Variants in PPIF observed in about 807,000 individuals in gnomAD.
PPIF encodes peptidyl-prolyl cis-trans isomerase F, mitochondrial.
Under a neutral mutation model 20.2 loss-of-function variants are expected in PPIF, and 23 were observed. The observed-to-expected ratio is 1.14, with a 90% CI of 0.82 to 1.61. The LOEUF (loss-of-function observed/expected upper bound fraction) is 1.61, where lower values mean the gene tolerates loss of function less well. PPIF is among the 40% of genes most tolerant of loss of function. PPIF has a pLI of 0.00. For missense variants in PPIF, 287 were observed against 291.6 expected (o/e 0.98, Z 0.11); for synonymous variants, 113 against 123.1 (o/e 0.92, Z 0.54).
At position 79,347,473 on chromosome 10, in the gene PPIF, G is replaced by C. The variant is rs1855911273; in HGVS notation, c.-76G>C. The C allele has an allele frequency of 8.0e-7, 1 of 1,249,174 alleles. No individual in the cohort carries two copies. 77.4% of individuals were successfully genotyped at this position (1,249,174 alleles called of 1,614,324 possible). On this transcript the variant is annotated 5_prime_UTR_variant, in exon 1 of 6. Transcript: ENST00000225174. Reference sequence around the variant, plus strand: ...TGCGGCGCGCGGCTGCGCGGGACTCGGCCTTCTGGGCGCGCGCGACGTCAG... The same window carrying C: ...TGCGGCGCGCGGCTGCGCGGGACTCCGCCTTCTGGGCGCGCGCGACGTCAG...
Position 79,351,513 on chromosome 10 carries a change from C to T in PPIF, c.342C>T (p.Gly114=). ...CQAGDFTNHN[G]TGGKSIYGSR... is the part of the protein sequence containing the mutation. ...CGGGCGACTTCACCAACCACAATGGCACAGGCGGGAAGTCCATCTACGGAA... is the reference window on the plus strand; with the variant it reads ...CGGGCGACTTCACCAACCACAATGGTACAGGCGGGAAGTCCATCTACGGAA... Residue 114 remains glycine (G), a synonymous_variant, in exon 4 of 6, where the codon GGC becomes GGT. Coordinates refer to ENST00000225174, the MANE Select transcript of PPIF (RefSeq NM_005729.4). 1.9e-6 allele frequency: 3 copies of T among 1,614,080 alleles called. No homozygotes were observed. Among genetic ancestry groups the T allele is most frequent in the Non-Finnish European group, 2.5e-6 (3 of 1,179,982 alleles).
chr10:79,352,256 A>G, intron 4 of PPIF, 61 bp from the exon 5 acceptor site: 1 of 1,496,272 alleles, frequency 6.7e-7, no homozygotes, highest in South Asian at 1.1e-5. Flanking sequence ...TGCCCTTTCA[A>G]ATGCCCTCCC....
intron 4 of PPIF, chr10:79,351,844 TC>T: frequency 4.6e-6 from 2 of 439,190 alleles, no homozygotes; most frequent in South Asian, 7.3e-5. Context: ...CCTGGCCACC[TC>T]CCTGTTTGTC....
At chr10:79,349,227 T>C in intron 2 of PPIF, 121 bp downstream of exon 2, 2 of 1,597,596 alleles carry the variant, frequency 1.3e-6, no homozygotes, top group Middle Eastern at 1.8e-4. Flanking sequence ...GGGAGCTCCA[T>C]GTGTGGCTCA....
At position 79,354,716 on chromosome 10, in the gene PPIF, A is replaced by G. The variant is rs1215177486; in HGVS notation, c.*874A>G. ...TGAAAATAAATCCTATTTTCTATGG[A>G]AGACTGGTACCTGGTTTCTGGAAGA... On this transcript the variant is annotated 3_prime_UTR_variant, in exon 6 of 6. Transcript: ENST00000225174. 1 of 152,784 alleles carries G rather than the reference A, an allele frequency of 6.5e-6. No individual in the cohort carries two copies. Among genetic ancestry groups the G allele is most frequent in the Non-Finnish European group, 1.5e-5 (1 of 68,064 alleles). 9.5% of individuals were successfully genotyped at this position (152,784 alleles called of 1,614,324 possible).
Position 79,347,720 on chromosome 10 carries a change from C to T in PPIF, c.172C>T (p.Pro58Ser), listed in dbSNP as rs1487902835. 4 of 1,438,580 alleles carry T rather than the reference C, an allele frequency of 2.8e-6. No homozygotes were observed. The highest frequency in any genetic ancestry group is 1.5e-5 in the South Asian group (1 of 66,930). 89.1% of individuals were successfully genotyped at this position (1,438,580 alleles called of 1,614,324 possible). ...VYLDVDANGK[P>S]LGRVVLELKA... ...CCTGGACGTGGACGCCAACGGGAAG[C>T]CGCTCGGCCGCGTGGTGCTGGAGGT... Residue 58 changes from proline (P) to serine (S), a missense_variant, in exon 1 of 6, where the codon CCG (proline) becomes TCG (serine). Physicochemically the swap from Pro to Ser is moderately conservative, Grantham distance 74. Transcript: ENST00000225174.
chr10:79,350,608 C>T (rs528683179), intron 3 of PPIF, among the ~76,000 whole-genome samples: 1 of 152,348 alleles, frequency 6.6e-6, no homozygotes, highest in East Asian at 1.9e-4. Flanking sequence ...AGGCCTGGCC[C>T]AGCCCTAAGG....
At chr10:79,353,131 GGGCAGGTCCTTGCT>G (rs1341015337) in intron 5 of PPIF, among the ~76,000 whole-genome samples, 1 of 152,232 alleles carries the variant, frequency 6.6e-6, no homozygotes, top group African/African-American at 2.4e-5. Context: ...CGGCAGGGCT[GGGCAGGTCCTTGCT>G]GGCTCAGCCT....
chr10:79,353,010 G>A (rs1382541023), intron 5 of PPIF, among the ~76,000 whole-genome samples: 1 of 152,246 alleles, frequency 6.6e-6, no homozygotes. Flanking sequence ...GGGCACCTGG[G>A]GATGAACTGG....
rs376682545 is a variant in PPIF at position 79,353,892 on chromosome 10, C to T, written c.*50C>T. 6.3e-6 allele frequency: 10 copies of T among 1,590,762 alleles called. No individual in the cohort carries two copies. In the African/African-American group the frequency reaches 1.3e-4, roughly 21 times the overall value. On this transcript the variant is annotated 3_prime_UTR_variant, in exon 6 of 6. Coordinates refer to ENST00000225174, the MANE Select transcript of PPIF (RefSeq NM_005729.4). Reference sequence around the variant, plus strand: ...TGGCAGCTGCAAATGTCCATGCACCCAGGTGGCCGCGTTGGGCTGTCAGCC... The same window carrying T: ...TGGCAGCTGCAAATGTCCATGCACCTAGGTGGCCGCGTTGGGCTGTCAGCC...
Position 79,351,599 on chromosome 10 carries a change from C to T in PPIF, c.412+16C>T, listed in dbSNP as rs1411648030. On this transcript the variant is annotated intron_variant, in intron 4 of 5. Transcript: ENST00000225174. ...GTGGGGCCAGGTGAGTGGGGGCCTC[C>T]TCTAGGGTGAGTGTCCCCACAGCTC... 2 of 1,609,368 alleles carry T rather than the reference C, an allele frequency of 1.2e-6. No individual in the cohort carries two copies. The highest frequency in any genetic ancestry group is 3.3e-5 in the Admixed American group (2 of 59,994).
Position 79,347,722 on chromosome 10 carries a change from G to T in PPIF, c.174G>T (p.Pro58=). 1 of 1,435,658 alleles carries T rather than the reference G, an allele frequency of 7.0e-7. No individual in the cohort carries two copies. The highest frequency in any genetic ancestry group is 9.2e-7 in the Non-Finnish European group (1 of 1,088,280). 88.9% of individuals were successfully genotyped at this position (1,435,658 alleles called of 1,614,324 possible). ...VYLDVDANGK[P]LGRVVLELKA... ...TGGACGTGGACGCCAACGGGAAGCC[G>T]CTCGGCCGCGTGGTGCTGGAGGTGA... The change falls in exon 1 of 6, where the codon CCG becomes CCT. Residue 58 remains proline (P), a synonymous_variant. Transcript: ENST00000225174.
intron 3 of PPIF, chr10:79,350,010 T>C: frequency 8.9e-6 from 6 of 676,292 alleles, no homozygotes; most frequent in Non-Finnish European, 1.2e-5. Flanking sequence ...GAGAGCTGGG[T>C]TGGGAGATGG....
At chr10:79,349,634 C>T (rs1309478175) in intron 2 of PPIF, 31 bp from the exon 3 acceptor site, 2 of 1,612,272 alleles carry the variant, frequency 1.2e-6, no homozygotes, top group Non-Finnish European at 1.7e-6. Flanking sequence ...GGGCCTGGCC[C>T]TGTTGACCTG....
intron 5 of PPIF, 56 bp downstream of exon 5, chr10:79,352,448 GGATTCGT>G: frequency 7.7e-6 from 12 of 1,560,694 alleles, no homozygotes; most frequent in Non-Finnish European, 1.1e-5. Flanking sequence ...AGCTGGAGGA[GGATTCGT>G]GCACTTTTAG....
Position 79,347,738 on chromosome 10 carries a change from C to T in PPIF, c.190C>T (p.Leu64=). The change falls in exon 1 of 6, where the codon CTG becomes TTG. Residue 64 remains leucine, a synonymous_variant. Transcript: ENST00000225174. The part of the protein sequence containing the change: ...ANGKPLGRVV[L]ELKADVVPKT... The stretch of plus-strand genomic sequence containing the variant: ...CGGGAAGCCGCTCGGCCGCGTGGTG[C>T]TGGAGGTGAGACCGCTCGCAGGGCC... The T allele has an allele frequency of 7.2e-7, 1 of 1,393,402 alleles. No individual in the cohort carries two copies. Among genetic ancestry groups the T allele is most frequent in the Non-Finnish European group, 9.4e-7 (1 of 1,065,538 alleles). 86.3% of individuals were successfully genotyped at this position (1,393,402 alleles called of 1,614,324 possible).
rs565775600 is a variant in PPIF, at chr10:79,350,775, C to T, written c.316-712C>T. On this transcript the variant is annotated intron_variant, in intron 3 of 5. Coordinates refer to ENST00000225174, the MANE Select transcript of PPIF (RefSeq NM_005729.4). ...TATCAATTAGGGAGCACCTAATTGA[C>T]ACCTGTGGATGCTTCAGCTGGGCTG... Among the ~76,000 whole-genome samples, 5 of 152,332 alleles carry T rather than the reference C, an allele frequency of 3.3e-5. No homozygotes were observed. In the East Asian group the frequency reaches 9.7e-4, roughly 29 times the overall value.
At chr10:79,349,497 GA>G (rs1024699490) in intron 2 of PPIF, among the ~76,000 whole-genome samples, 167 bp from the exon 3 acceptor site, 9 of 152,252 alleles carry the variant, frequency 5.9e-5, no homozygotes, top group Non-Finnish European at 1.2e-4. Context: ...GAAGGGGAGT[GA>G]CTTGTCCAGT....
At chr10:79,351,696 C>T (rs1258383315) in intron 4 of PPIF, 113 bp downstream of exon 4, 2 of 914,454 alleles carry the variant, frequency 2.2e-6, no homozygotes, top group Non-Finnish European at 3.4e-6. Flanking sequence ...TGATGAGTCT[C>T]CTTCCTCCCT....
Sources: gnomAD v4.1 joint callset for allele counts (sites outside exome capture counted in the v4.1 genomes callset) on GRCh38, gnomAD v4.1.1 for gene constraint, MANE v1.5 for transcripts, NCBI Gene and HGNC (gene_info 2026-07-23, HGNC 2026-07-21) for gene names.